The following CNOT6L variants were observed in gnomAD, a reference collection of about 807,000 sequenced individuals.
The protein encoded by CNOT6L is CCR4-NOT transcription complex subunit 6-like.
A neutral mutation model predicts 64.0 loss-of-function variants in CNOT6L; 7 were observed. The observed-to-expected ratio is 0.11, with a 90% CI of 0.06 to 0.21. The LOEUF is 0.21. CNOT6L is among the 10% of genes least tolerant of loss of function. The pLI is 1.00. For synonymous variants in CNOT6L, 193 were observed against 243.4 expected, an observed-to-expected ratio of 0.79 and a Z score of 1.93; for missense variants, 245 against 669.0, an observed-to-expected ratio of 0.37 and a Z score of 6.99.
intron 1 of CNOT6L, among the ~76,000 whole-genome samples, chr4:77,801,822 G>C (rs531677928): frequency 6.6e-6 from 1 of 151,926 alleles, no homozygotes; most frequent in Non-Finnish European, 1.5e-5. Context: ...TCAGGAGCCC[G>C]AGGCTATAGC....
At chr4:77,781,514 T>C (rs962944550) in intron 1 of CNOT6L, among the ~76,000 whole-genome samples, 6 of 152,192 alleles carry the variant, frequency 3.9e-5, no homozygotes, top group African/African-American at 1.4e-4. Flanking sequence ...TAACATGCTA[T>C]TTCAATGAAA....
At chr4:77,810,331 T>G (rs1392390687) in intron 1 of CNOT6L, among the ~76,000 whole-genome samples, 1 of 152,208 alleles carries the variant, frequency 6.6e-6, no homozygotes, top group Non-Finnish European at 1.5e-5. Context: ...AAGTTTCATA[T>G]GAAATTTGTT....
chr4:77,764,748 T>A (rs767853628), intron 4 of CNOT6L, among the ~76,000 whole-genome samples: 5 of 152,202 alleles, frequency 3.3e-5, no homozygotes, highest in Non-Finnish European at 5.9e-5. Flanking sequence ...TACTGACGCT[T>A]TCTGACTGAG....
In CNOT6L at chr4:77,801,688, A is replaced by T. The variant is rs1031075686; in HGVS notation, c.5+17616T>A. On this transcript the variant is annotated intron_variant, in intron 1 of 11. Coordinates refer to ENST00000504123, the MANE Select transcript of CNOT6L (RefSeq NM_144571.3). ...GAAGTTATTTTACCAGAAGATAAAAATTGGGGGGGGGGGAGAATGAAACAT... is the reference window on the plus strand; with the variant it reads ...GAAGTTATTTTACCAGAAGATAAAATTTGGGGGGGGGGGAGAATGAAACAT... Among the ~76,000 whole-genome samples, 6 of 15,984 alleles carry T rather than the reference A, an allele frequency of 3.8e-4. No individual in the cohort carries two copies. The Admixed American group carries it at 4.4e-3, about 12-fold the overall frequency. The allele number at this position is 15,984 out of a possible 152,430, so 10.5% of individuals were successfully genotyped here. A position where few individuals can be genotyped will look rare whatever the true frequency, so the allele number is the denominator to read the frequency against.
intron 1 of CNOT6L, among the ~76,000 whole-genome samples, chr4:77,812,227 G>T (rs573433292): frequency 6.6e-6 from 1 of 151,812 alleles, no homozygotes; most frequent in Non-Finnish European, 1.5e-5. Flanking sequence ...GGTGGATCAC[G>T]AGGTCGGCAA....
At chr4:77,722,170 CG>C (rs1293906628) in intron 11 of CNOT6L, among the ~76,000 whole-genome samples, 6 of 152,098 alleles carry the variant, frequency 3.9e-5, no homozygotes, top group African/African-American at 1.4e-4. Context: ...ACAAGGATCA[CG>C]GTAGTTTTAC....
chr4:77,726,440 G>C (rs146657222), intron 10 of CNOT6L, 71 bp from the exon 11 acceptor site: 113 of 1,201,824 alleles, frequency 9.4e-5, no homozygotes, highest in South Asian at 4.5e-4. Context: ...GCCAAGACTT[G>C]TTACCAGGTT....
rs945222005 is a variant in CNOT6L at position 77,748,095 on chromosome 4, A to G, written c.559+221T>C. On this transcript the variant is annotated intron_variant, in intron 6 of 11. Coordinates refer to ENST00000504123, the MANE Select transcript of CNOT6L (RefSeq NM_144571.3). ...TGCTATTTGGAAAGCTGTATTACAG[A>G]AATAATTTTAAAACCAAGGGCTGCA... Among the ~76,000 whole-genome samples, 65 of 152,200 alleles carry G rather than the reference A, an allele frequency of 4.3e-4. 1 individual carries two copies. The highest frequency in any genetic ancestry group is 1.3e-4 in the Non-Finnish European group (9 of 68,024).
chr4:77,754,182 CTATT>C (rs911365069), intron 5 of CNOT6L, among the ~76,000 whole-genome samples: 3 of 152,108 alleles, frequency 2.0e-5, no homozygotes, highest in Non-Finnish European at 4.4e-5. Context: ...GCATTAAAAA[CTATT>C]TAGCAAAGTG....
Position 77,777,690 on chromosome 4 carries a change from A to C in CNOT6L, c.6-1298T>G, listed in dbSNP as rs146526714. Reference sequence around the variant, plus strand: ...CTCATATATTAACATATATACACACACCCCAAAACCAAGTGTCTGAATCTG... The same window carrying C: ...CTCATATATTAACATATATACACACCCCCCAAAACCAAGTGTCTGAATCTG... On this transcript the variant is annotated intron_variant, in intron 1 of 11. Transcript: ENST00000504123. 5.3e-3 allele frequency among the ~76,000 whole-genome samples: 807 copies of C among 152,248 alleles called. 7 individuals carry two copies. The highest frequency in any genetic ancestry group is 0.018 in the African/African-American group (760 of 41,540).
chr4:77,803,096 T>C (rs1304729857), intron 1 of CNOT6L, among the ~76,000 whole-genome samples: 1 of 152,036 alleles, frequency 6.6e-6, no homozygotes, highest in African/African-American at 2.4e-5. Flanking sequence ...AATAAGGTAA[T>C]GTTTCTAAAA....
At chr4:77,802,124 T>C (rs905369649) in intron 1 of CNOT6L, among the ~76,000 whole-genome samples, 8 of 152,186 alleles carry the variant, frequency 5.3e-5, no homozygotes, top group Non-Finnish European at 1.0e-4. Flanking sequence ...AATGGAGCAG[T>C]AGTTCTAATA....
chr4:77,721,330 T>C (rs939440533), intron 11 of CNOT6L, among the ~76,000 whole-genome samples: 2 of 152,198 alleles, frequency 1.3e-5, no homozygotes, highest in African/African-American at 2.4e-5. Flanking sequence ...CAGAGCTAGA[T>C]GACTGGATTT....
chr4:77,795,011 A>G (rs1730651442), intron 1 of CNOT6L, among the ~76,000 whole-genome samples: 1 of 146,436 alleles, frequency 6.8e-6, no homozygotes, highest in Admixed American at 7.3e-5. Flanking sequence ...AAAGTAAAAA[A>G]GAAATTTTTC....
chr4:77,771,261 C>A (rs189250943), intron 4 of CNOT6L, among the ~76,000 whole-genome samples: 185 of 152,034 alleles, frequency 1.2e-3, no homozygotes, highest in African/African-American at 3.2e-3. Context: ...TGCCGGGAGG[C>A]GGTGGTTGCA....
intron 4 of CNOT6L, among the ~76,000 whole-genome samples, chr4:77,768,892 T>TA (rs921508529): frequency 1.2e-4 from 19 of 152,034 alleles, no homozygotes; most frequent in East Asian, 3.9e-4. Flanking sequence ...TGGTATTGCC[T>TA]AAAAAAAACC....
intron 1 of CNOT6L, among the ~76,000 whole-genome samples, chr4:77,817,275 T>A (rs1361718179): frequency 1.3e-5 from 2 of 152,180 alleles, no homozygotes; most frequent in African/African-American, 2.4e-5. Context: ...TTTTAATGAC[T>A]ATTTTTATTA....
At chr4:77,772,853 G>C (rs1727731072) in intron 4 of CNOT6L, among the ~76,000 whole-genome samples, 1 of 152,138 alleles carries the variant, frequency 6.6e-6, no homozygotes, top group South Asian at 2.1e-4. Flanking sequence ...AAGCCAGGAG[G>C]CAGAGCTTGC....
chr4:77,729,935 A>G (rs1455661524), intron 9 of CNOT6L, among the ~76,000 whole-genome samples: 1 of 152,162 alleles, frequency 6.6e-6, no homozygotes. Flanking sequence ...CACATTCTGT[A>G]TGTTAGTAAC....
Sources: allele counts gnomAD v4.1 joint callset (sites outside exome capture counted in the v4.1 genomes callset), GRCh38; gene constraint gnomAD v4.1.1; transcripts MANE v1.5; gene names NCBI Gene and HGNC (gene_info 2026-07-23, HGNC 2026-07-21).